Variants in CLPB observed in about 807,000 individuals in gnomAD.
CLPB encodes the protein ClpB family mitochondrial disaggregase.
Under a neutral mutation model 78.4 loss-of-function variants are expected in CLPB, and 40 were observed. The observed-to-expected ratio is 0.51, with a 90% CI of 0.40 to 0.66. The LOEUF (loss-of-function observed/expected upper bound fraction) is 0.66. Among genes scored for constraint, CLPB ranks in the 30% least tolerant of loss-of-function variants. The pLI is 0.00. For synonymous variants in CLPB, 333 were observed against 348.0 expected, an observed-to-expected ratio of 0.96 and a Z score of 0.48; for missense variants, 780 against 886.9, an observed-to-expected ratio of 0.88 and a Z score of 1.53.
intron 6 of CLPB, among the ~76,000 whole-genome samples, chr11:72,320,008 G>T (rs1185277276): frequency 6.6e-6 from 1 of 152,248 alleles, no homozygotes. Context: ...CTGCCCCAGA[G>T]GCGGCTCTCG....
intron 2 of CLPB, among the ~76,000 whole-genome samples, chr11:72,416,735 C>CAAAAAAAAAAAAA (rs35655496): frequency 5.9e-5 from 3 of 50,648 alleles, no homozygotes; most frequent in Non-Finnish European, 9.9e-5. Flanking sequence ...GACTCCGTCT[C>CAAAAAAAAAAAAA]AAAAAAAAAA....
At chr11:72,377,920 A>G (rs1206505748) in intron 4 of CLPB, among the ~76,000 whole-genome samples, 2 of 152,230 alleles carry the variant, frequency 1.3e-5, no homozygotes, top group Non-Finnish European at 2.9e-5. Flanking sequence ...GGTCGAGGTA[A>G]GTAGTCACAA....
chr11:72,416,767 GAATA>G (rs895610222), intron 2 of CLPB, among the ~76,000 whole-genome samples: 1 of 147,510 alleles, frequency 6.8e-6, no homozygotes, highest in Non-Finnish European at 1.5e-5. Flanking sequence ...AAAAAAGAAT[GAATA>G]AATGCCAAAG....
At chr11:72,316,354 C>T (rs964730362) in intron 7 of CLPB, among the ~76,000 whole-genome samples, 1 of 152,154 alleles carries the variant, frequency 6.6e-6, no homozygotes, top group African/African-American at 2.4e-5. Flanking sequence ...GGGGGATACA[C>T]CTTTGTCTTG....
chr11:72,359,099 A>C lies in CLPB; in HGVS notation c.647-91T>G, dbSNP rs1444628409. 12 of 1,582,396 alleles carry C rather than the reference A, an allele frequency of 7.6e-6. No homozygotes were observed. In the East Asian group the frequency reaches 2.7e-4, roughly 36 times the overall value. On this transcript the variant is annotated intron_variant, in intron 4 of 15. Coordinates refer to ENST00000538039, the MANE Select transcript of CLPB (RefSeq NM_001258392.3). ...TTTCTAGTGGCATTTTAATTCACTC[A>C]CTCATCTACCTACTTACTAAGCATA...
intron 2 of CLPB, among the ~76,000 whole-genome samples, chr11:72,429,951 TGCAACC>T (rs1856497388): frequency 6.6e-6 from 1 of 152,220 alleles, no homozygotes; most frequent in Non-Finnish European, 1.5e-5. Flanking sequence ...GATGCCGACC[TGCAACC>T]TGTCCAGGCA....
At chr11:72,328,971 TCAACTCGAA>T (rs1191556120) in intron 6 of CLPB, among the ~76,000 whole-genome samples, 2 of 152,202 alleles carry the variant, frequency 1.3e-5, no homozygotes, top group African/African-American at 4.8e-5. Flanking sequence ...TCTCTCTCCT[TCAACTCGAA>T]CAACTCAATT....
At chr11:72,296,928 C>T (rs1243912833) in intron 11 of CLPB, among the ~76,000 whole-genome samples, 1 of 152,122 alleles carries the variant, frequency 6.6e-6, no homozygotes, top group African/African-American at 2.4e-5. Flanking sequence ...ACAGTAGAGG[C>T]GAGACTTGAA....
At chr11:72,361,863 A>G (rs1267313809) in intron 4 of CLPB, among the ~76,000 whole-genome samples, 1 of 152,268 alleles carries the variant, frequency 6.6e-6, no homozygotes, top group Non-Finnish European at 1.5e-5. Flanking sequence ...TAATGCAAGA[A>G]TCAGACCACT....
intron 3 of CLPB, among the ~76,000 whole-genome samples, chr11:72,382,298 G>T (rs900334251): frequency 6.6e-6 from 1 of 151,868 alleles, no homozygotes; most frequent in Non-Finnish European, 1.5e-5. Context: ...CCAGGGCCCG[G>T]GCCCAACCCC....
chr11:72,318,848 T>A (rs1012173020), intron 6 of CLPB, among the ~76,000 whole-genome samples: 1 of 152,188 alleles, frequency 6.6e-6, no homozygotes, highest in African/African-American at 2.4e-5. Context: ...AGGCGCCACA[T>A]ACATCACTTG....
At position 72,376,428 on chromosome 11, in the gene CLPB, A is replaced by G. The variant is rs181808172; in HGVS notation, c.646+3853T>C. Among the ~76,000 whole-genome samples the G allele has an allele frequency of 5.9e-5, 9 of 152,284 alleles. No individual in the cohort carries two copies. In the East Asian group the frequency reaches 1.7e-3, roughly 29 times the overall value. On this transcript the variant is annotated intron_variant, in intron 4 of 15. Transcript: ENST00000538039. ...AGCCCTGAGAAGATTCTAAAAGACT[A>G]TCACTATCCAGGTCCAAGTCGGAAC...
intron 4 of CLPB, among the ~76,000 whole-genome samples, chr11:72,368,917 CAT>C (rs1311023051): frequency 6.6e-6 from 1 of 152,202 alleles, no homozygotes; most frequent in African/African-American, 2.4e-5. Context: ...GACCTCACCT[CAT>C]TATCACCCCA....
intron 5 of CLPB, chr11:72,337,051 T>C (rs979961693): frequency 2.5e-6 from 1 of 398,794 alleles, no homozygotes; most frequent in Non-Finnish European, 4.4e-6. Flanking sequence ...CACTTTCATA[T>C]CTTGGTTTAG....
At chr11:72,364,536 T>G (rs762121442) in intron 4 of CLPB, among the ~76,000 whole-genome samples, 2 of 151,684 alleles carry the variant, frequency 1.3e-5, no homozygotes, top group African/African-American at 4.8e-5. Flanking sequence ...AAAAAAAATA[T>G]ATAGAGAGAG....
In CLPB at chr11:72,380,374, C is replaced by G. The variant is rs745791300; in HGVS notation, c.553G>C (p.Val185Leu). The G allele has an allele frequency of 1.2e-6, 2 of 1,613,786 alleles. No individual in the cohort carries two copies. Among genetic ancestry groups the G allele is most frequent in the Non-Finnish European group, 8.5e-7 (1 of 1,179,802 alleles). The change falls in exon 4 of 16, where the codon GTC (valine) becomes CTC (leucine). Residue 185 changes from valine to leucine, a missense_variant. By Grantham distance (32) the Val-to-Leu change is conservative (BLOSUM62 1). Coordinates refer to ENST00000538039, the MANE Select transcript of CLPB (RefSeq NM_001258392.3). ...AINRNNSVVQVLLAAGADPNL... is the reference protein window; with the variant it reads ...AINRNNSVVQLLLAAGADPNL... ...GGATCAGCCCCAGCAGCAAGCAGGA[C>G]CTGTACCACACTAGAAGAAATCACA...
chr11:72,426,666 A>T (rs768062393), intron 2 of CLPB, among the ~76,000 whole-genome samples: 2 of 152,186 alleles, frequency 1.3e-5, no homozygotes, highest in African/African-American at 2.4e-5. Flanking sequence ...AAAGTCAATA[A>T]AAAGCAAAGA....
At chr11:72,391,207 G>A (rs1401723229) in intron 3 of CLPB, among the ~76,000 whole-genome samples, 1 of 152,038 alleles carries the variant, frequency 6.6e-6, no homozygotes, top group Non-Finnish European at 1.5e-5. Flanking sequence ...TGAACTCCCT[G>A]CAGTACACCA....
chr11:72,321,274 G>C (rs555841375), intron 6 of CLPB, among the ~76,000 whole-genome samples: 1 of 152,304 alleles, frequency 6.6e-6, no homozygotes, highest in East Asian at 1.9e-4. Context: ...TGCAGAAGCA[G>C]AGGGCACTGA....
Sources: gnomAD v4.1 joint callset for allele counts (sites outside exome capture counted in the v4.1 genomes callset) on GRCh38, gnomAD v4.1.1 for gene constraint, MANE v1.5 for transcripts, NCBI Gene and HGNC (gene_info 2026-07-23, HGNC 2026-07-21) for gene names.